HS6ST2: variants seen among roughly 807,000 people sequenced by gnomAD.
HS6ST2 encodes heparan sulfate 6-O-sulfotransferase 2.
HS6ST2 carries 17 observed loss-of-function variants against 33.0 expected under a neutral mutation model. That is an observed-to-expected ratio of 0.52 (90% CI 0.35 to 0.77). The LOEUF is 0.77. Ranked by LOEUF, HS6ST2 falls within the 30% of genes least tolerant of loss-of-function variation. The pLI, the probability that HS6ST2 is intolerant of heterozygous loss-of-function variation, is 0.01. For missense variants in HS6ST2, 519 were observed against 551.7 expected (o/e 0.94, Z 0.59); for synonymous variants, 248 against 237.1 (o/e 1.05, Z -0.42).
rs755535720 is a variant in HS6ST2 at position 132,793,048 on chromosome X, C to CTTT, written c.948-84557_948-84555dup. Among the ~76,000 whole-genome samples, 96 of 53,243 alleles carry CTTT rather than the reference C, an allele frequency of 1.8e-3. 7 individuals are homozygous for CTTT. Among genetic ancestry groups the CTTT allele is most frequent in the African/African-American group, 4.4e-3 (42 of 9,563 alleles). 46.2% of individuals were successfully genotyped at this position (53,243 alleles called of 115,157 possible). On this transcript the variant is annotated intron_variant, in intron 2 of 4. Coordinates refer to ENST00000370833, the MANE Select transcript of HS6ST2 (RefSeq NM_001394073.1). ...AAGTTGCAAATCTCCAAATAAACTC[C>CTTT]TTTTTTTTTTTTTTTTTTTTTTTTT...
At chrX:132,885,120 T>A (rs148938249) in intron 2 of HS6ST2, among the ~76,000 whole-genome samples, 324 of 111,819 alleles carry the variant, frequency 2.9e-3, no homozygotes, top group Middle Eastern at 9.3e-3. Context: ...GTCCATCAAG[T>A]GATAAACAGA....
intron 2 of HS6ST2, among the ~76,000 whole-genome samples, chrX:132,824,563 T>A (rs1441033757): frequency 3.6e-5 from 4 of 112,361 alleles, no homozygotes; most frequent in African/African-American, 9.7e-5. Flanking sequence ...ATGTTGTGAA[T>A]AGTTTGTCAG....
At chrX:132,734,991 G>C (rs1355856095) in intron 2 of HS6ST2, 4 of 110,881 alleles carry the variant, frequency 3.6e-5, no homozygotes, top group Non-Finnish European at 5.7e-5. Flanking sequence ...AGATGGGGAT[G>C]GGGGGTGGTG....
At chrX:132,869,326 C>T (rs2066031096) in intron 2 of HS6ST2, among the ~76,000 whole-genome samples, 1 of 111,865 alleles carries the variant, frequency 8.9e-6, no homozygotes, top group Non-Finnish European at 1.9e-5. Flanking sequence ...CAGCTGAATT[C>T]TACCAGAGGT....
chrX:132,638,993 A>T (rs148896455), intron 4 of HS6ST2, among the ~76,000 whole-genome samples: 1 of 112,356 alleles, frequency 8.9e-6, no homozygotes, highest in African/African-American at 3.2e-5. Flanking sequence ...TATTGTGGGG[A>T]GTGCTCAAAG....
chrX:132,703,534 T>G (rs2064162317), intron 3 of HS6ST2, among the ~76,000 whole-genome samples: 1 of 112,373 alleles, frequency 8.9e-6, no homozygotes, highest in Admixed American at 9.4e-5. Flanking sequence ...TCCTCTGTGC[T>G]AAAGATATCA....
chrX:132,649,675 T>C (rs1184567930), intron 4 of HS6ST2, among the ~76,000 whole-genome samples: 1 of 110,987 alleles, frequency 9.0e-6, no homozygotes, highest in Non-Finnish European at 1.9e-5. Flanking sequence ...CTGGCCAATA[T>C]GGTGAAACCT....
chrX:132,788,382 G>A (rs1424109239), intron 2 of HS6ST2, among the ~76,000 whole-genome samples: 1 of 111,547 alleles, frequency 9.0e-6, no homozygotes, highest in African/African-American at 3.3e-5. Context: ...CAAATAAACT[G>A]GTGAACTTAA....
chrX:132,809,388 A>G (rs1164555937), intron 2 of HS6ST2, among the ~76,000 whole-genome samples: 4 of 112,309 alleles, frequency 3.6e-5, no homozygotes, highest in African/African-American at 6.5e-5. Flanking sequence ...CTCAATCAGA[A>G]TCTCTGAGAA....
chrX:132,877,198 T>C (rs1225132307), intron 2 of HS6ST2, among the ~76,000 whole-genome samples: 1 of 111,986 alleles, frequency 8.9e-6, no homozygotes, highest in Non-Finnish European at 1.9e-5. Flanking sequence ...GCAACATTTA[T>C]TAAACACCTC....
At position 132,862,091 on chromosome X, in the gene HS6ST2, C is replaced by G. The variant is rs1202080334; in HGVS notation, c.947+94717G>C. On this transcript the variant is annotated intron_variant, in intron 2 of 4. Coordinates refer to ENST00000370833, the MANE Select transcript of HS6ST2 (RefSeq NM_001394073.1). Reference sequence around the variant, plus strand: ...AGCTTATGAATGTTTAATTGATAACCAGTTTTTCCCAAGTCATTAGTTAAA... The same window carrying G: ...AGCTTATGAATGTTTAATTGATAACGAGTTTTTCCCAAGTCATTAGTTAAA... Among the ~76,000 whole-genome samples, 23 of 111,708 alleles carry G rather than the reference C, an allele frequency of 2.1e-4. No homozygotes were observed. The Admixed American group carries it at 2.2e-3, about 11-fold the overall frequency.
chrX:132,899,790 A>C (rs2066411296), intron 2 of HS6ST2, among the ~76,000 whole-genome samples: 1 of 112,021 alleles, frequency 8.9e-6, no homozygotes, highest in African/African-American at 3.2e-5. Flanking sequence ...AAACCACACC[A>C]TAGCAAATCA....
chrX:132,813,887 A>C (rs897798760), intron 2 of HS6ST2, among the ~76,000 whole-genome samples: 3 of 112,020 alleles, frequency 2.7e-5, no homozygotes, highest in African/African-American at 9.7e-5. Context: ...TCAGTTGGAT[A>C]AATAAACTGC....
chrX:132,821,374 A>T (rs1024573522), intron 2 of HS6ST2, among the ~76,000 whole-genome samples: 2 of 109,246 alleles, frequency 1.8e-5, no homozygotes, highest in Non-Finnish European at 3.8e-5. Context: ...CACCACGCCC[A>T]GCTAATTTTT....
chrX:132,785,951 G>A (rs1162501342), intron 2 of HS6ST2, among the ~76,000 whole-genome samples: 3 of 111,676 alleles, frequency 2.7e-5, no homozygotes, highest in African/African-American at 9.8e-5. Flanking sequence ...ATTTTTGAGA[G>A]ATACAGACAA....
chrX:132,729,820 C>T, intron 2 of HS6ST2, among the ~76,000 whole-genome samples: 1 of 80,886 alleles, frequency 1.2e-5, no homozygotes, highest in East Asian at 3.4e-4. Context: ...CCACATGAAC[C>T]AAAGCTCTTT....
intron 4 of HS6ST2, among the ~76,000 whole-genome samples, chrX:132,648,080 A>G (rs978845012): frequency 8.9e-6 from 1 of 112,401 alleles, no homozygotes; most frequent in African/African-American, 3.2e-5. Flanking sequence ...GACACATAAT[A>G]TAAGGTCAGT....
intron 2 of HS6ST2, among the ~76,000 whole-genome samples, chrX:132,868,893 A>G (rs746991335): frequency 4.5e-5 from 5 of 111,109 alleles, no homozygotes; most frequent in Non-Finnish European, 9.4e-5. Flanking sequence ...GAGCAAACAA[A>G]TTCAAAACCT....
In HS6ST2 at chrX:132,881,232, CA is replaced by C. The variant is rs2066169010; in HGVS notation, c.947+75575del. 3.6e-5 allele frequency among the ~76,000 whole-genome samples: 4 copies of C among 110,439 alleles called. No individual in the cohort carries two copies. The South Asian group carries it at 1.5e-3, about 43-fold the overall frequency. ...CTTCCACAATGGTTGAACTAGTTTA[CA>C]GTCCCACCAACAGTGTAAAAGTATT... On this transcript the variant is annotated intron_variant, in intron 2 of 4. Coordinates refer to ENST00000370833, the MANE Select transcript of HS6ST2 (RefSeq NM_001394073.1).
Sources: allele counts gnomAD v4.1 joint callset (sites outside exome capture counted in the v4.1 genomes callset), GRCh38; gene constraint gnomAD v4.1.1; transcripts MANE v1.5; gene names NCBI Gene and HGNC (gene_info 2026-07-23, HGNC 2026-07-21).